Variants in HSPA4 observed in about 807,000 individuals in gnomAD.
The protein encoded by HSPA4 is heat shock protein family A (Hsp70) member 4, also known as heat shock 70 kDa protein 4.
In HSPA4, 25 loss-of-function variants were observed where a neutral mutation model predicts 106.2. The observed-to-expected ratio is 0.24, with a 90% CI of 0.17 to 0.33. HSPA4 has a LOEUF of 0.33. HSPA4 is among the 10% of genes least tolerant of loss of function. HSPA4 has a pLI of 1.00. For missense variants in HSPA4, 841 were observed against 996.0 expected (o/e 0.84, Z 2.10); for synonymous variants, 332 against 333.6 (o/e 1.00, Z 0.05).
Position 133,067,445 on chromosome 5 carries a change from A to G in HSPA4, c.194A>G (p.Gln65Arg). 1 of 1,613,702 alleles carries G rather than the reference A, an allele frequency of 6.2e-7. No individual in the cohort carries two copies. The highest frequency in any genetic ancestry group is 8.5e-7 in the Non-Finnish European group (1 of 1,179,612). The change falls in exon 3 of 19, where the codon CAA becomes CGA. Residue 65 changes from glutamine (Q) to arginine (R), a missense_variant. Physicochemically the swap from Gln to Arg is conservative, Grantham distance 43. Coordinates refer to ENST00000304858, the MANE Select transcript of HSPA4 (RefSeq NM_002154.4). ...QVISNAKNTV[Q>R]GFKRFHGRAF... ...ATTTCTAATGCAAAGAACACAGTCC[A>G]AGGATTTAAAAGATTCCATGGCCGA...
At chr5:133,094,911 T>C (rs1765691377) in intron 13 of HSPA4, among the ~76,000 whole-genome samples, 1 of 152,202 alleles carries the variant, frequency 6.6e-6, no homozygotes, top group Admixed American at 6.5e-5. Context: ...TTTTCTAATC[T>C]GTGGATGAGG....
chr5:133,052,309 C>G lies in HSPA4; in HGVS notation c.59C>G (p.Ala20Gly), dbSNP rs1398097115. The G allele has an allele frequency of 2.5e-6, 4 of 1,590,326 alleles. No homozygotes were observed. In the African/African-American group the frequency reaches 4.0e-5, roughly 16 times the overall value. The change falls in exon 1 of 19, where the codon GCC becomes GGC. Residue 20 changes from alanine (A) to glycine (G), a missense_variant. By Grantham distance (60) the Ala-to-Gly change is moderately conservative. Transcript: ENST00000304858. ...FQSCYVAVAR[A>G]GGIETIANEY... ...AGCTGCTACGTCGCTGTGGCCCGCGCCGGCGGCATCGAGACTATCGCTAAT... is the reference window on the plus strand; with the variant it reads ...AGCTGCTACGTCGCTGTGGCCCGCGGCGGCGGCATCGAGACTATCGCTAAT...
intron 1 of HSPA4, among the ~76,000 whole-genome samples, chr5:133,058,907 C>T (rs1359099727): frequency 6.6e-6 from 1 of 151,906 alleles, no homozygotes; most frequent in East Asian, 1.9e-4. Context: ...GTGGGCAAAT[C>T]CCCTGAGGCC....
intron 8 of HSPA4, among the ~76,000 whole-genome samples, 191 bp downstream of exon 8, chr5:133,087,049 C>A (rs1165563132): frequency 6.6e-6 from 1 of 152,138 alleles, no homozygotes; most frequent in African/African-American, 2.4e-5. Flanking sequence ...CTAGGGAAAT[C>A]TAATAAAAGT....
chr5:133,096,062 A>G (rs1401805480), intron 13 of HSPA4, 36 bp from the exon 14 acceptor site: 30 of 1,592,308 alleles, frequency 1.9e-5, no homozygotes, highest in South Asian at 9.0e-5. Context: ...GGTAGTCTGT[A>G]TATGTGTTTG....
rs773623623 is a variant in HSPA4 at position 133,067,577 on chromosome 5, G to A, written c.306+20G>A. On this transcript the variant is annotated intron_variant, in intron 3 of 18. Coordinates refer to ENST00000304858, the MANE Select transcript of HSPA4 (RefSeq NM_002154.4). ...ATAAAGGTAAGGTTGTCAGGTTAAT[G>A]CCTTTTAATTAAAATGCATTATTAT... 1.3e-6 allele frequency: 2 copies of A among 1,579,530 alleles called. No homozygotes were observed. Among genetic ancestry groups the A allele is most frequent in the Non-Finnish European group, 1.7e-6 (2 of 1,156,088 alleles).
chr5:133,061,098 A>G (rs768565794), intron 1 of HSPA4, among the ~76,000 whole-genome samples: 4 of 150,882 alleles, frequency 2.7e-5, no homozygotes, highest in African/African-American at 7.3e-5. Flanking sequence ...GTACTTTCAC[A>G]TGCAGTGCAT....
intron 1 of HSPA4, among the ~76,000 whole-genome samples, chr5:133,054,475 T>TTTA (rs1321219352): frequency 6.6e-6 from 1 of 152,074 alleles, no homozygotes; most frequent in Non-Finnish European, 1.5e-5. Context: ...AAGTGCTGGG[T>TTTA]TTACAGGAGT....
chr5:133,073,130 A>AT, intron 4 of HSPA4, 100 bp from the exon 5 acceptor site: 1 of 681,322 alleles, frequency 1.5e-6, no homozygotes, highest in South Asian at 1.9e-5. Flanking sequence ...TCTTGATCAT[A>AT]TACAGAATAA....
Position 133,105,801 on chromosome 5 carries a change from C to T in HSPA4, c.*1365C>T, listed in dbSNP as rs987479749. The T allele has an allele frequency of 7.9e-5, 12 of 152,250 alleles. No homozygotes were observed. In the East Asian group the frequency reaches 1.7e-3, roughly 22 times the overall value. 9.4% of individuals were successfully genotyped at this position (152,250 alleles called of 1,614,324 possible). On this transcript the variant is annotated 3_prime_UTR_variant, in exon 19 of 19. Coordinates refer to ENST00000304858, the MANE Select transcript of HSPA4 (RefSeq NM_002154.4). Reference sequence around the variant, plus strand: ...GTTAGAATTAAGCGTTTGTCCATCTCTAGATAACATTGAAAAGTTTGAGTG... The same window carrying T: ...GTTAGAATTAAGCGTTTGTCCATCTTTAGATAACATTGAAAAGTTTGAGTG...
At chr5:133,087,536 T>C (rs886553729) in intron 8 of HSPA4, among the ~76,000 whole-genome samples, 8 of 152,234 alleles carry the variant, frequency 5.3e-5, no homozygotes, top group African/African-American at 1.9e-4. Context: ...TCAGGTGATA[T>C]TAAGAAGTAT....
At chr5:133,068,837 A>T (rs1367957914) in intron 3 of HSPA4, among the ~76,000 whole-genome samples, 1 of 152,234 alleles carries the variant, frequency 6.6e-6, no homozygotes, top group Non-Finnish European at 1.5e-5. Flanking sequence ...GAAAAAGACT[A>T]GGAAGAAGAT....
chr5:133,100,328 C>T (rs111330123), intron 16 of HSPA4, among the ~76,000 whole-genome samples: 3 of 151,844 alleles, frequency 2.0e-5, no homozygotes, highest in Non-Finnish European at 2.9e-5. Flanking sequence ...CTTGGCCTCC[C>T]GAAGTGCTGG....
At chr5:133,068,440 G>A (rs964045104) in intron 3 of HSPA4, among the ~76,000 whole-genome samples, 2 of 151,766 alleles carry the variant, frequency 1.3e-5, no homozygotes, top group African/African-American at 2.4e-5. Flanking sequence ...GAGGGGGGGT[G>A]GGGGCGTGAT....
chr5:133,090,515 A>G (rs1019919359), intron 11 of HSPA4, among the ~76,000 whole-genome samples: 6 of 151,720 alleles, frequency 4.0e-5, no homozygotes, highest in African/African-American at 1.5e-4. Context: ...ACTAGGTTTC[A>G]GAACCGTGTT....
At chr5:133,057,191 C>T (rs1765175595) in intron 1 of HSPA4, among the ~76,000 whole-genome samples, 12 of 152,114 alleles carry the variant, frequency 7.9e-5, no homozygotes, top group Admixed American at 7.9e-4. Context: ...AATGCAGTAA[C>T]CAGAGAGTAC....
chr5:133,063,634 T>C (rs1304242459), intron 1 of HSPA4, among the ~76,000 whole-genome samples: 1 of 152,042 alleles, frequency 6.6e-6, no homozygotes, highest in Non-Finnish European at 1.5e-5. Flanking sequence ...GGTTTGATCA[T>C]GTGGGCGTGG....
intron 1 of HSPA4, among the ~76,000 whole-genome samples, chr5:133,061,559 G>A (rs916504340): frequency 6.6e-6 from 1 of 152,158 alleles, no homozygotes; most frequent in African/African-American, 2.4e-5. Flanking sequence ...ATGTAATTCG[G>A]TTTGTGGTTG....
At chr5:133,068,212 C>T (rs1379182609) in intron 3 of HSPA4, among the ~76,000 whole-genome samples, 1 of 152,098 alleles carries the variant, frequency 6.6e-6, no homozygotes, top group African/African-American at 2.4e-5. Flanking sequence ...TTTTAAGTCA[C>T]TAGCAGATAG....
Sources: gnomAD v4.1 joint callset for allele counts (sites outside exome capture counted in the v4.1 genomes callset) on GRCh38, gnomAD v4.1.1 for gene constraint, MANE v1.5 for transcripts, NCBI Gene and HGNC (gene_info 2026-07-23, HGNC 2026-07-21) for gene names.